The following SLC39A8 variants were observed in gnomAD, a reference collection of about 807,000 sequenced individuals.
SLC39A8 encodes solute carrier family 39 member 8.
In SLC39A8, 15 loss-of-function variants were observed where a neutral mutation model predicts 40.4. That is an observed-to-expected ratio of 0.37 (90% CI 0.25 to 0.57). The LOEUF (loss-of-function observed/expected upper bound fraction) is 0.57, where lower values mean the gene tolerates loss of function less well. Among genes scored for constraint, SLC39A8 ranks in the 20% least tolerant of loss-of-function variants. The pLI is 0.75. For missense variants in SLC39A8, 472 were observed against 558.8 expected (o/e 0.84, Z 1.57); for synonymous variants, 223 against 221.6 (o/e 1.01, Z -0.06).
At chr4:102,321,002 T>C (rs1239052186) in intron 2 of SLC39A8, among the ~76,000 whole-genome samples, 2 of 151,774 alleles carry the variant, frequency 1.3e-5, no homozygotes, top group African/African-American at 4.8e-5. Context: ...ACCATAAAAG[T>C]CTAGGTATAA....
chr4:102,304,858 CT>C, intron 5 of SLC39A8, 130 bp downstream of exon 5: 1 of 711,866 alleles, frequency 1.4e-6, no homozygotes, highest in Non-Finnish European at 2.2e-6. Context: ...ACTCTTTGTT[CT>C]CCTTAAACTC....
chr4:102,261,584 T>C (rs745584610), downstream of SLC39A8: 24 of 578,814 alleles, frequency 4.1e-5, no homozygotes, highest in Non-Finnish European at 5.0e-5. Flanking sequence ...ACTGATTTCC[T>C]ATTTATATCT....
chr4:102,252,099 GC>G (rs1310615485), exon 12 of SLC39A8: 1 of 152,252 alleles, frequency 6.6e-6, no homozygotes, highest in Non-Finnish European at 1.5e-5. Context: ...GAGACTCCAG[GC>G]CCAAAAGATA....
downstream of SLC39A8, among the ~76,000 whole-genome samples, chr4:102,260,546 G>A (rs1487452427): frequency 1.3e-5 from 2 of 152,180 alleles, no homozygotes; most frequent in East Asian, 3.8e-4. Context: ...AGAGCATGAA[G>A]CAATCTTGAA....
At position 102,303,878 on chromosome 4, in the gene SLC39A8, G is replaced by A. The variant is rs140891590; in HGVS notation, c.840+439C>T. 5.1e-3 allele frequency among the ~76,000 whole-genome samples: 770 copies of A among 151,826 alleles called. 7 individuals are homozygous for A. Among genetic ancestry groups the A allele is most frequent in the Non-Finnish European group, 8.3e-3 (560 of 67,816 alleles). ...CTATTAATATTATTTAGAAGATGTG[G>A]ATATAAATATAAATTATAAGTCAGA... On this transcript the variant is annotated intron_variant, in intron 6 of 8. Coordinates refer to ENST00000356736, the MANE Select transcript of SLC39A8 (RefSeq NM_001135146.2).
At position 102,267,996 on chromosome 4, in the gene SLC39A8, C is replaced by T. The variant is rs764085565; in HGVS notation, c.924G>A (p.Thr308=). 7.4e-6 allele frequency: 12 copies of T among 1,614,056 alleles called. No homozygotes were observed. The highest frequency in any genetic ancestry group is 1.7e-5 in the Admixed American group (1 of 59,998). The change falls in exon 7 of 9, where the codon ACG becomes ACA. Residue 308 remains threonine, a synonymous_variant. Transcript: ENST00000356736. ...TGAAATTGTGGAGGGCATCGCAGAG[C>T]GTTATCATCCAGGCAATCGTCCCTA... The part of the protein sequence containing the change: ...SEIGTIAWMI[T]LCDALHNFID...
intron 8 of SLC39A8, among the ~76,000 whole-genome samples, chr4:102,266,902 G>A (rs28665758): frequency 0.06 from 9,081 of 152,086 alleles, 906 homozygotes; most frequent in African/African-American, 0.2. Context: ...CACCGCACCC[G>A]GCCATGCACG....
chr4:102,320,190 T>C (rs1734855359), intron 2 of SLC39A8, among the ~76,000 whole-genome samples: 1 of 88,486 alleles, frequency 1.1e-5, no homozygotes. Flanking sequence ...TATATATATA[T>C]GTATATATAT....
At chr4:102,306,969 C>A (rs543087107) in intron 4 of SLC39A8, among the ~76,000 whole-genome samples, 2 of 152,148 alleles carry the variant, frequency 1.3e-5, no homozygotes, top group East Asian at 3.9e-4. Context: ...GTCAACCATG[C>A]TCTCATTTAC....
At position 102,262,624 on chromosome 4, in the gene SLC39A8, A is replaced by G. The variant is rs966078768; in HGVS notation, c.*420T>C. On this transcript the variant is annotated 3_prime_UTR_variant, in exon 9 of 9. Coordinates refer to ENST00000356736, the MANE Select transcript of SLC39A8 (RefSeq NM_001135146.2). ...TGTACTTGCTCTTGAAAGCACTAGAACAAATTAATTGAAATAAAACCTCTC... is the reference window on the plus strand; with the variant it reads ...TGTACTTGCTCTTGAAAGCACTAGAGCAAATTAATTGAAATAAAACCTCTC... 4 of 986,566 alleles carry G rather than the reference A, an allele frequency of 4.1e-6. No homozygotes were observed. The highest frequency in any genetic ancestry group is 6.1e-5 in the Admixed American group (1 of 16,328). 61.1% of individuals were successfully genotyped at this position (986,566 alleles called of 1,614,324 possible).
chr4:102,338,186 C>CTTTTTTT (rs568941438), intron 2 of SLC39A8, among the ~76,000 whole-genome samples: 5 of 131,218 alleles, frequency 3.8e-5, no homozygotes, highest in Non-Finnish European at 5.0e-5. Flanking sequence ...CATCTTATTT[C>CTTTTTTT]TTTTTTTTTT....
intron 2 of SLC39A8, among the ~76,000 whole-genome samples, chr4:102,319,441 A>AC (rs57110984): frequency 0.022 from 3,321 of 152,276 alleles, 107 homozygotes; most frequent in African/African-American, 0.075. Context: ...ATCCATCCTT[A>AC]CAGGACCTGC....
intron 2 of SLC39A8, among the ~76,000 whole-genome samples, chr4:102,318,636 C>A (rs1357660735): frequency 1.3e-5 from 2 of 152,114 alleles, no homozygotes; most frequent in Admixed American, 6.6e-5. Context: ...GTGAGGGCAA[C>A]AAAACCAACC....
intron 3 of SLC39A8, among the ~76,000 whole-genome samples, chr4:102,310,070 T>C (rs1156490606): frequency 6.6e-6 from 1 of 152,050 alleles, no homozygotes; most frequent in Non-Finnish European, 1.5e-5. Flanking sequence ...CCTCATAAAC[T>C]GACCCTTGCA....
chr4:102,266,974 T>C (rs1246401451), intron 8 of SLC39A8, among the ~76,000 whole-genome samples: 1 of 152,136 alleles, frequency 6.6e-6, no homozygotes, highest in Admixed American at 6.5e-5. Context: ...TGAACAGATA[T>C]AAATATATAC....
intron 6 of SLC39A8, among the ~76,000 whole-genome samples, chr4:102,296,119 T>C (rs1422873338): frequency 6.6e-6 from 1 of 152,136 alleles, no homozygotes; most frequent in Non-Finnish European, 1.5e-5. Context: ...TGGGCATTTA[T>C]ATTCAGAAGG....
intron 2 of SLC39A8, among the ~76,000 whole-genome samples, chr4:102,328,479 G>C (rs1430306802): frequency 6.6e-6 from 1 of 152,138 alleles, no homozygotes; most frequent in Non-Finnish European, 1.5e-5. Flanking sequence ...TGTCCTTTTA[G>C]AGGATGATGA....
At position 102,253,170 on chromosome 4, in the gene SLC39A8, G is replaced by A. The variant is rs1307673912; in HGVS notation, c.*559C>T. 20 of 368,636 alleles carry A rather than the reference G, an allele frequency of 5.4e-5. 1 individual carries two copies. Among genetic ancestry groups the A allele is most frequent in the Non-Finnish European group, 8.7e-5 (18 of 206,874 alleles). 22.8% of individuals were successfully genotyped at this position (368,636 alleles called of 1,614,324 possible). On this transcript the variant is annotated 3_prime_UTR_variant and NMD_transcript_variant, in exon 12 of 12. Transcript: ENST00000424970. ...AACATGTCGTTTTTCGGGGCGAGCG[G>A]GGAGGGCGGCGGGGAACACAATTAG... is the stretch of plus-strand genomic sequence containing the variant.
chr4:102,263,296 G>T, intron 8 of SLC39A8, 103 bp from the exon 9 acceptor site: 1 of 949,468 alleles, frequency 1.1e-6, no homozygotes, highest in Non-Finnish European at 1.6e-6. Flanking sequence ...TTTGGTTCCA[G>T]ACCAGTGTGA....
Sources: allele counts gnomAD v4.1 joint callset (sites outside exome capture counted in the v4.1 genomes callset), GRCh38; gene constraint gnomAD v4.1.1; transcripts MANE v1.5; gene names NCBI Gene and HGNC (gene_info 2026-07-23, HGNC 2026-07-21).